Variants in LTBP1 observed in about 807,000 individuals in gnomAD.
The protein encoded by LTBP1 is latent transforming growth factor beta binding protein 1, also known as latent-transforming growth factor beta-binding protein 1.
LTBP1 carries 129 observed loss-of-function variants against 207.6 expected under a neutral mutation model. The observed-to-expected ratio is 0.62, with a 90% confidence interval of 0.54 to 0.72. The LOEUF (loss-of-function observed/expected upper bound fraction) is 0.72. LTBP1 is among the 30% of genes least tolerant of loss of function. The pLI is 0.00. For synonymous variants in LTBP1, 963 were observed against 833.7 expected (o/e 1.16, Z -2.67); for missense variants, 2,281 against 2,217.2 (o/e 1.03, Z -0.58).
rs1477714829 is a variant in LTBP1, at chr2:33,398,937, GCTA to G, written c.*395_*397del. 6.5e-6 allele frequency: 1 copy of G among 153,702 alleles called. No individual in the cohort carries two copies. Among genetic ancestry groups the G allele is most frequent in the Non-Finnish European group, 1.5e-5 (1 of 68,892 alleles). 9.5% of individuals were successfully genotyped at this position (153,702 alleles called of 1,614,324 possible). On this transcript the variant is annotated 3_prime_UTR_variant, in exon 34 of 34. Transcript: ENST00000404816. ...CATTTTTTGGTTGTGCAGTTCCTTGGCTACTGTTTTTCTTTTACTTCAGTTTTT... is the reference window on the plus strand; with the variant it reads ...CATTTTTTGGTTGTGCAGTTCCTTGGCTGTTTTTCTTTTACTTCAGTTTTT...
In LTBP1 at chr2:33,110,602, A is replaced by G; in HGVS notation, c.884A>G (p.Gln295Arg). ...CCCAGAGTGACTCCTCTTTCTTCCC[A>G]GAGTGTGGTGATTCACCATGGCCAG... ...IHSQVTPLSS[Q>R]SVVIHHGQTQ... Residue 295 changes from glutamine to arginine, a missense_variant, in exon 4 of 34, where the codon CAG becomes CGG. Physicochemically the swap from Gln to Arg is conservative, Grantham distance 43 (BLOSUM62 1). Coordinates refer to ENST00000404816, the MANE Select transcript of LTBP1 (RefSeq NM_206943.4). 1 of 1,613,532 alleles carries G rather than the reference A, an allele frequency of 6.2e-7. No individual in the cohort carries two copies. The highest frequency in any genetic ancestry group is 8.5e-7 in the Non-Finnish European group (1 of 1,179,712).
At chr2:32,977,659 T>A (rs1682025484) in intron 2 of LTBP1, among the ~76,000 whole-genome samples, 1 of 152,162 alleles carries the variant, frequency 6.6e-6, no homozygotes, top group South Asian at 2.1e-4. Context: ...ATTCTCCCAT[T>A]CCCAGTCCTG....
At chr2:33,103,555 G>T (rs1170629631) in intron 3 of LTBP1, among the ~76,000 whole-genome samples, 1 of 150,894 alleles carries the variant, frequency 6.6e-6, no homozygotes, top group Non-Finnish European at 1.5e-5. Context: ...TATGGATGGG[G>T]TCATGGACCA....
intron 3 of LTBP1, among the ~76,000 whole-genome samples, chr2:33,023,506 C>A (rs901289802): frequency 2.0e-5 from 3 of 152,176 alleles, no homozygotes; most frequent in African/African-American, 4.8e-5. Context: ...GCTTTGGAGA[C>A]TTCATCTGCT....
At chr2:33,099,426 C>T (rs934156824) in intron 3 of LTBP1, among the ~76,000 whole-genome samples, 5 of 152,102 alleles carry the variant, frequency 3.3e-5, no homozygotes, top group Non-Finnish European at 7.3e-5. Flanking sequence ...CAGATATCTA[C>T]TTGTATATTA....
At chr2:33,035,635 G>A (rs1017530654) in intron 3 of LTBP1, among the ~76,000 whole-genome samples, 1 of 152,208 alleles carries the variant, frequency 6.6e-6, no homozygotes. Context: ...TCAAATCACT[G>A]TAAACATTTA....
At chr2:33,375,172 T>C (rs1199982878) in intron 31 of LTBP1, among the ~76,000 whole-genome samples, 1 of 152,214 alleles carries the variant, frequency 6.6e-6, no homozygotes, top group Non-Finnish European at 1.5e-5. Flanking sequence ...TGCATGGCTC[T>C]TACATGCTCA....
At chr2:33,104,937 G>A (rs1178953164) in intron 3 of LTBP1, among the ~76,000 whole-genome samples, 1 of 152,034 alleles carries the variant, frequency 6.6e-6, no homozygotes, top group Non-Finnish European at 1.5e-5. Flanking sequence ...CCTTCCAGTG[G>A]GCTTGAAACC....
At chr2:33,385,980 T>C (rs1237603195) in intron 31 of LTBP1, among the ~76,000 whole-genome samples, 1 of 152,068 alleles carries the variant, frequency 6.6e-6, no homozygotes, top group Non-Finnish European at 1.5e-5. Context: ...AAAAAACGCA[T>C]GGCAGGGGAA....
chr2:33,015,320 G>A (rs1166356214), intron 2 of LTBP1, among the ~76,000 whole-genome samples: 3 of 152,150 alleles, frequency 2.0e-5, no homozygotes, highest in East Asian at 1.9e-4. Context: ...TGAATAAATC[G>A]CAAATCAAGT....
In LTBP1 at chr2:33,257,228, G is replaced by T. The variant is rs1433751113; in HGVS notation, c.2168-56G>T. ...GCTATTCATCATGATATTTTCCTCT[G>T]TATAAGTTTGCACTGTTAGATTTTT... On this transcript the variant is annotated intron_variant, in intron 11 of 33. Transcript: ENST00000404816. 2.3e-6 allele frequency: 3 copies of T among 1,311,914 alleles called. No homozygotes were observed. The African/African-American group carries it at 4.4e-5, about 19-fold the overall frequency. 81.3% of individuals were successfully genotyped at this position (1,311,914 alleles called of 1,614,324 possible). A position where few individuals can be genotyped will look rare whatever the true frequency, so the allele number is the denominator to read the frequency against.
chr2:33,325,895 G>C (rs2094420232), intron 24 of LTBP1, among the ~76,000 whole-genome samples: 1 of 151,916 alleles, frequency 6.6e-6, no homozygotes, highest in African/African-American at 2.4e-5. Flanking sequence ...AAAAATTTTA[G>C]AAGTATTTCT....
chr2:33,092,757 A>G (rs1227299108), intron 3 of LTBP1, among the ~76,000 whole-genome samples: 1 of 152,112 alleles, frequency 6.6e-6, no homozygotes, highest in Non-Finnish European at 1.5e-5. Flanking sequence ...CTCTCTCCCC[A>G]TTGCTCTCGA....
chr2:33,143,243 C>T (rs543374128), intron 5 of LTBP1, among the ~76,000 whole-genome samples: 1 of 152,288 alleles, frequency 6.6e-6, no homozygotes, highest in East Asian at 1.9e-4. Context: ...GCCTCATTTC[C>T]CTTATTTGTT....
chr2:33,089,173 GAAAA>G (rs962135577), intron 3 of LTBP1, among the ~76,000 whole-genome samples: 6 of 133,562 alleles, frequency 4.5e-5, no homozygotes, highest in South Asian at 2.5e-4. Context: ...AAAAAAAAAA[GAAAA>G]AAAGAAAAAG....
At chr2:33,187,155 C>CG in intron 6 of LTBP1, 75 bp downstream of exon 6, 1 of 1,332,990 alleles carries the variant, frequency 7.5e-7, no homozygotes, top group Non-Finnish European at 1.1e-6. Context: ...CAAGGATCTG[C>CG]GGGTGGCCAG....
chr2:33,234,362 C>G (rs188534998), intron 9 of LTBP1, among the ~76,000 whole-genome samples: 6 of 152,164 alleles, frequency 3.9e-5, no homozygotes, highest in Admixed American at 3.9e-4. Flanking sequence ...AAAGATGAAA[C>G]TTAGACGAGA....
In LTBP1 at chr2:33,341,729, A is replaced by AAAAATATATATATATAT. The variant is rs745445793; in HGVS notation, c.3731-1108_3731-1107insAAATATATATATATATA. Among the ~76,000 whole-genome samples, 51 of 93,606 alleles carry AAAAATATATATATATAT rather than the reference A, an allele frequency of 5.4e-4. No homozygotes were observed. In the East Asian group the frequency reaches 0.011, roughly 19 times the overall value. The allele number at this position is 93,606 out of a possible 152,430, so 61.4% of individuals were successfully genotyped here. On this transcript the variant is annotated intron_variant, in intron 24 of 33. Coordinates refer to ENST00000404816, the MANE Select transcript of LTBP1 (RefSeq NM_206943.4). ...CCGTCTCACTCAAAAAAAAAAAAAA[A>AAAAATATATATATATAT]ATATATATATATATATGTATATTTA...
At chr2:33,250,021 C>T (rs59507490) in intron 10 of LTBP1, among the ~76,000 whole-genome samples, 1 of 152,170 alleles carries the variant, frequency 6.6e-6, no homozygotes, top group Non-Finnish European at 1.5e-5. Context: ...TACAATTAAT[C>T]TTCCAGTCTG....
Sources: allele counts gnomAD v4.1 joint callset (sites outside exome capture counted in the v4.1 genomes callset), GRCh38; gene constraint gnomAD v4.1.1; transcripts MANE v1.5; gene names NCBI Gene and HGNC (gene_info 2026-07-23, HGNC 2026-07-21).